CCSER1: variants seen among roughly 807,000 people sequenced by gnomAD.
CCSER1 encodes serine-rich coiled-coil domain-containing protein 1.
CCSER1 carries 41 observed loss-of-function variants against 82.0 expected under a neutral mutation model. That is an observed-to-expected ratio of 0.50 (90% CI 0.39 to 0.65). The LOEUF (loss-of-function observed/expected upper bound fraction) is 0.65, where lower values mean the gene tolerates loss of function less well. Among genes scored for constraint, CCSER1 ranks in the 30% least tolerant of loss-of-function variants. The pLI is 0.00. For synonymous variants in CCSER1, 414 were observed against 383.9 expected (o/e 1.08, Z -0.92); for missense variants, 1,119 against 1,064.2 (o/e 1.05, Z -0.72).
intron 10 of CCSER1, among the ~76,000 whole-genome samples, chr4:91,378,009 T>C (rs1290078607): frequency 6.6e-6 from 1 of 152,132 alleles, no homozygotes; most frequent in Non-Finnish European, 1.5e-5. Flanking sequence ...AATATAGAAT[T>C]CTTTCCCCAT....
At chr4:91,361,165 G>T (rs1749218940) in intron 10 of CCSER1, among the ~76,000 whole-genome samples, 1 of 151,738 alleles carries the variant, frequency 6.6e-6, no homozygotes. Flanking sequence ...TTAGCTAAAG[G>T]ATGTGTTTTG....
At chr4:90,853,129 T>C (rs1404046542) in intron 8 of CCSER1, among the ~76,000 whole-genome samples, 1 of 152,054 alleles carries the variant, frequency 6.6e-6, no homozygotes, top group African/African-American at 2.4e-5. Flanking sequence ...CATATAAAGA[T>C]GTAGAGTCCT....
intron 6 of CCSER1, among the ~76,000 whole-genome samples, chr4:90,658,548 T>G (rs1435603343): frequency 1.3e-5 from 2 of 152,168 alleles, no homozygotes; most frequent in African/African-American, 4.8e-5. Flanking sequence ...CTTCTCAGAT[T>G]TTGCTGTCAA....
intron 4 of CCSER1, among the ~76,000 whole-genome samples, chr4:90,425,189 A>G (rs909238462): frequency 5.3e-5 from 8 of 152,090 alleles, no homozygotes; most frequent in African/African-American, 1.7e-4. Context: ...CCCACTCTAT[A>G]AAAACTTTCT....
intron 5 of CCSER1, among the ~76,000 whole-genome samples, chr4:90,473,530 T>C (rs1764666331): frequency 1.3e-5 from 2 of 152,202 alleles, no homozygotes; most frequent in Admixed American, 1.3e-4. Flanking sequence ...TTCTGTAAGC[T>C]CCTTCTGAAA....
chr4:91,057,551 C>T lies in CCSER1; in HGVS notation c.2173-28399C>T, dbSNP rs1743562832. 3.9e-5 allele frequency among the ~76,000 whole-genome samples: 6 copies of T among 152,248 alleles called. No individual in the cohort carries two copies. The South Asian group carries it at 1.2e-3, about 32-fold the overall frequency. The stretch of plus-strand genomic sequence containing the variant: ...CCAAAGAAATCATAAGTAGCTGTTT[C>T]TAGTCTTCATTGAAAAGTAAATGGA... On this transcript the variant is annotated intron_variant, in intron 9 of 10. Coordinates refer to ENST00000509176, the MANE Select transcript of CCSER1 (RefSeq NM_001145065.2).
At chr4:91,491,127 T>C (rs1758518070) in intron 10 of CCSER1, among the ~76,000 whole-genome samples, 1 of 151,212 alleles carries the variant, frequency 6.6e-6, no homozygotes. Context: ...TAAGAAGTAA[T>C]TTGCTTGAGT....
intron 7 of CCSER1, among the ~76,000 whole-genome samples, chr4:90,728,855 A>C (rs750680232): frequency 1.1e-4 from 16 of 152,226 alleles, no homozygotes; most frequent in Non-Finnish European, 2.1e-4. Flanking sequence ...AGAATTATCA[A>C]TCTTCAACTC....
At chr4:90,855,583 G>A (rs1439864983) in intron 8 of CCSER1, among the ~76,000 whole-genome samples, 2 of 151,994 alleles carry the variant, frequency 1.3e-5, no homozygotes, top group East Asian at 3.9e-4. Flanking sequence ...ATTATTCATA[G>A]AGTTCTTCAA....
intron 10 of CCSER1, among the ~76,000 whole-genome samples, chr4:91,092,080 T>C (rs1256446743): frequency 2.0e-5 from 3 of 152,278 alleles, no homozygotes; most frequent in East Asian, 3.9e-4. Flanking sequence ...AATAATACCA[T>C]AGGAAGGGCC....
intron 8 of CCSER1, among the ~76,000 whole-genome samples, chr4:90,873,277 C>A (rs937573326): frequency 2.0e-5 from 3 of 151,566 alleles, no homozygotes; most frequent in African/African-American, 7.3e-5. Flanking sequence ...ATTCTTTTTT[C>A]TTTTGCCTCC....
intron 9 of CCSER1, among the ~76,000 whole-genome samples, chr4:90,955,184 C>T (rs1004679472): frequency 1.3e-5 from 2 of 152,098 alleles, no homozygotes; most frequent in African/African-American, 2.4e-5. Context: ...CATTGCTATA[C>T]CCCTGCACTT....
At chr4:90,780,446 C>T (rs1753615178) in intron 7 of CCSER1, 4 of 1,611,562 alleles carry the variant, frequency 2.5e-6, no homozygotes, top group South Asian at 1.1e-5. Context: ...TTACAGACCA[C>T]ATACCCTAGG....
At chr4:91,466,609 C>A (rs1756924973) in intron 10 of CCSER1, among the ~76,000 whole-genome samples, 2 of 152,158 alleles carry the variant, frequency 1.3e-5, no homozygotes. Flanking sequence ...AAAACCCCAT[C>A]ATCTCAGCCC....
intron 1 of CCSER1, among the ~76,000 whole-genome samples, chr4:90,306,257 A>G (rs576797750): frequency 6.6e-6 from 1 of 152,272 alleles, no homozygotes; most frequent in East Asian, 1.9e-4. Flanking sequence ...AGGAGAAATA[A>G]GTTTTAGAGG....
chr4:91,262,485 C>A (rs1741266580), intron 10 of CCSER1, among the ~76,000 whole-genome samples: 1 of 151,916 alleles, frequency 6.6e-6, no homozygotes. Flanking sequence ...TGAAAATACT[C>A]ATAGATACTC....
chr4:91,356,755 C>T (rs1748862066), intron 10 of CCSER1, among the ~76,000 whole-genome samples: 1 of 152,156 alleles, frequency 6.6e-6, no homozygotes, highest in Admixed American at 6.5e-5. Flanking sequence ...AATGCTAAGT[C>T]TCCTCCCCTG....
intron 8 of CCSER1, among the ~76,000 whole-genome samples, chr4:90,909,948 C>A (rs11721949): frequency 0.047 from 7,162 of 152,162 alleles, 481 homozygotes; most frequent in African/African-American, 0.15. Context: ...TAAAGAACTA[C>A]CTGAGACTGG....
At chr4:90,375,122 CTCTGAGTAGTAT>C (rs1292492356) in intron 3 of CCSER1, among the ~76,000 whole-genome samples, 3 of 152,168 alleles carry the variant, frequency 2.0e-5, no homozygotes, top group Non-Finnish European at 2.9e-5. Flanking sequence ...TTTATCTACC[CTCTGAGTAGTAT>C]CTCAGCCAAA....
Sources: gnomAD v4.1 joint callset for allele counts (sites outside exome capture counted in the v4.1 genomes callset) on GRCh38, gnomAD v4.1.1 for gene constraint, MANE v1.5 for transcripts, NCBI Gene and HGNC (gene_info 2026-07-23, HGNC 2026-07-21) for gene names.